PIK3CB: variants seen among roughly 807,000 people sequenced by gnomAD.
PIK3CB encodes phosphatidylinositol 4,5-bisphosphate 3-kinase catalytic subunit beta isoform.
Under a neutral mutation model 136.8 loss-of-function variants are expected in PIK3CB, and 39 were observed. The observed-to-expected ratio is 0.29, with a 90% CI of 0.22 to 0.37. The LOEUF is 0.37. PIK3CB is among the 10% of genes least tolerant of loss of function. The pLI is 1.00. For synonymous variants in PIK3CB, 428 were observed against 436.6 expected (o/e 0.98, Z 0.25); for missense variants, 868 against 1,275.4 (o/e 0.68, Z 4.87).
chr3:138,768,230 A>G (rs1211370231), intron 2 of PIK3CB, among the ~76,000 whole-genome samples: 1 of 151,808 alleles, frequency 6.6e-6, no homozygotes. Context: ...TGGAATGGGT[A>G]GCTCCTCTCT....
chr3:138,754,090 C>T (rs1251783052), intron 4 of PIK3CB, among the ~76,000 whole-genome samples: 1 of 152,014 alleles, frequency 6.6e-6, no homozygotes, highest in African/African-American at 2.4e-5. Context: ...TCTCCTCTTC[C>T]ATATATTCTT....
chr3:138,725,425 C>G (rs2044816728), intron 8 of PIK3CB, among the ~76,000 whole-genome samples: 1 of 152,124 alleles, frequency 6.6e-6, no homozygotes, highest in Non-Finnish European at 1.5e-5. Flanking sequence ...AAGTAGTCTT[C>G]CTGAACTGTA....
At chr3:138,815,301 G>C (rs1427397510) in intron 1 of PIK3CB, among the ~76,000 whole-genome samples, 1 of 135,038 alleles carries the variant, frequency 7.4e-6, no homozygotes, top group African/African-American at 2.8e-5. Flanking sequence ...AGGTTGCAGT[G>C]AGCCAAGATT....
At chr3:138,681,837 G>GTGC (rs1470082382) in intron 19 of PIK3CB, 130 bp downstream of exon 19, 1 of 572,258 alleles carries the variant, frequency 1.7e-6, no homozygotes. Flanking sequence ...ACATTCTAAA[G>GTGC]TGCTATATAA....
At chr3:138,698,092 A>G (rs2044175455) in intron 13 of PIK3CB, among the ~76,000 whole-genome samples, 1 of 152,228 alleles carries the variant, frequency 6.6e-6, no homozygotes, top group African/African-American at 2.4e-5. Context: ...TCTTAAATTG[A>G]GAAGTGAAAC....
chr3:138,758,486 C>T (rs2045612167), intron 3 of PIK3CB, among the ~76,000 whole-genome samples: 1 of 152,156 alleles, frequency 6.6e-6, no homozygotes, highest in Admixed American at 6.5e-5. Flanking sequence ...ATAGGTGCAC[C>T]ATGCATGAGC....
Position 138,653,910 on chromosome 3 carries a change from A to G in PIK3CB, c.*1479T>C. ...GAGAAGTCAGGGAAGAGGCCATAAT[A>G]AGCCTTAGCCTATTCCTGAGGTTGG... On this transcript the variant is annotated 3_prime_UTR_variant, in exon 24 of 24. Transcript: ENST00000674063. 5.0e-6 allele frequency: 1 copy of G among 199,046 alleles called. No individual in the cohort carries two copies. Among genetic ancestry groups the G allele is most frequent in the East Asian group, 7.7e-5 (1 of 12,906 alleles). The allele number at this position is 199,046 out of a possible 1,614,324, so 12.3% of individuals were successfully genotyped here.
intron 21 of PIK3CB, among the ~76,000 whole-genome samples, chr3:138,663,268 A>T (rs2043335470): frequency 6.6e-6 from 1 of 152,234 alleles, no homozygotes; most frequent in African/African-American, 2.4e-5. Flanking sequence ...TAGCATTGGT[A>T]ATCTTTAAAT....
Position 138,672,448 on chromosome 3 carries a change from T to C in PIK3CB, c.2505-7245A>G, listed in dbSNP as rs180891417. Among the ~76,000 whole-genome samples, 13 of 152,318 alleles carry C rather than the reference T, an allele frequency of 8.5e-5. No individual in the cohort carries two copies. In the East Asian group the frequency reaches 2.3e-3, roughly 27 times the overall value. On this transcript the variant is annotated intron_variant, in intron 19 of 23. Coordinates refer to ENST00000674063, the MANE Select transcript of PIK3CB (RefSeq NM_006219.3). ...CTCAAACAAAATACAAACTCATTTT[T>C]AGAGATCCATTCACAACCCAGGGAG...
intron 1 of PIK3CB, among the ~76,000 whole-genome samples, chr3:138,798,322 G>A (rs964191757): frequency 6.6e-6 from 1 of 152,006 alleles, no homozygotes; most frequent in Admixed American, 6.6e-5. Context: ...GCACCACCAC[G>A]CCCGGCTAAT....
intron 3 of PIK3CB, among the ~76,000 whole-genome samples, chr3:138,757,478 AACAC>A (rs146470519): frequency 0.34 from 46,456 of 136,200 alleles, 8,705 homozygotes; most frequent in Admixed American, 0.49. Flanking sequence ...GATACTATTA[AACAC>A]ACACACACAC....
chr3:138,761,235 TC>T (rs1326220696), intron 2 of PIK3CB, among the ~76,000 whole-genome samples: 2 of 152,216 alleles, frequency 1.3e-5, no homozygotes, highest in Non-Finnish European at 2.9e-5. Flanking sequence ...TTGAATCTAA[TC>T]AAGGCTTTAG....
At chr3:138,715,858 C>T (rs2044596400) in intron 8 of PIK3CB, among the ~76,000 whole-genome samples, 1 of 151,734 alleles carries the variant, frequency 6.6e-6, no homozygotes, top group East Asian at 1.9e-4. Context: ...AAAAAGATGA[C>T]TGACTTAATA....
chr3:138,793,688 C>A (rs545099423), intron 2 of PIK3CB, among the ~76,000 whole-genome samples: 12 of 151,256 alleles, frequency 7.9e-5, no homozygotes, highest in African/African-American at 2.9e-4. Flanking sequence ...AGTGTTTCTA[C>A]AATAAGGTGG....
intron 4 of PIK3CB, among the ~76,000 whole-genome samples, chr3:138,745,395 G>A (rs1331571374): frequency 6.6e-6 from 1 of 152,136 alleles, no homozygotes. Context: ...CACTTTGGGA[G>A]GCCAAGGTGG....
intron 8 of PIK3CB, among the ~76,000 whole-genome samples, chr3:138,729,898 C>T (rs2044933358): frequency 6.6e-6 from 1 of 152,118 alleles, no homozygotes; most frequent in South Asian, 2.1e-4. Flanking sequence ...AATCCATTTA[C>T]CCTTATCACT....
At chr3:138,720,031 T>C (rs1337307296) in intron 8 of PIK3CB, among the ~76,000 whole-genome samples, 1 of 152,160 alleles carries the variant, frequency 6.6e-6, no homozygotes, top group Non-Finnish European at 1.5e-5. Context: ...TTTTCAAGTT[T>C]CTGACAAGAA....
chr3:138,734,597 C>A (rs745438570), intron 7 of PIK3CB, 37 bp downstream of exon 7: 1 of 1,486,298 alleles, frequency 6.7e-7, no homozygotes, highest in Non-Finnish European at 9.3e-7. Context: ...AATCACATGG[C>A]TTTTGGGGTT....
intron 15 of PIK3CB, among the ~76,000 whole-genome samples, chr3:138,690,242 G>A (rs1215628135): frequency 1.4e-5 from 2 of 144,730 alleles, no homozygotes; most frequent in African/African-American, 5.1e-5. Flanking sequence ...GAAAAAAGAA[G>A]AAAAGAAGAA....
Sources: gnomAD v4.1 joint callset for allele counts (sites outside exome capture counted in the v4.1 genomes callset) on GRCh38, gnomAD v4.1.1 for gene constraint, MANE v1.5 for transcripts, NCBI Gene and HGNC (gene_info 2026-07-23, HGNC 2026-07-21) for gene names.